The following ETFB variants were observed in gnomAD, a reference collection of about 807,000 sequenced individuals.
ETFB encodes electron transfer flavoprotein subunit beta.
Under a neutral mutation model 25.6 loss-of-function variants are expected in ETFB, and 20 were observed. The observed-to-expected ratio is 0.78, with a 90% CI of 0.55 to 1.14. The LOEUF is 1.14. Ranked by LOEUF, ETFB falls within the 50% of genes most tolerant of loss-of-function variation. The pLI, the probability that ETFB is intolerant of heterozygous loss-of-function variation, is 0.00. For missense variants in ETFB, 286 were observed against 342.6 expected (o/e 0.83, Z 1.30); for synonymous variants, 142 against 146.7 (o/e 0.97, Z 0.23).
At chr19:51,362,204 C>CATAT (rs60638050) in intron 1 of ETFB, among the ~76,000 whole-genome samples, 3 of 146,270 alleles carry the variant, frequency 2.1e-5, no homozygotes, top group Non-Finnish European at 4.5e-5. Flanking sequence ...CACACACACA[C>CATAT]GAATACACTC....
intron 1 of ETFB, among the ~76,000 whole-genome samples, chr19:51,358,087 A>G (rs1986127290): frequency 6.6e-6 from 1 of 152,228 alleles, no homozygotes; most frequent in Non-Finnish European, 1.5e-5. Flanking sequence ...CTCCAGGGAC[A>G]TCCACAGAAG....
chr19:51,349,153 G>GCTAA (rs1231102988), intron 4 of ETFB, among the ~76,000 whole-genome samples: 1 of 152,126 alleles, frequency 6.6e-6, no homozygotes, highest in Non-Finnish European at 1.5e-5. Flanking sequence ...CCCACTGTAG[G>GCTAA]CTAACGTTAA....
intron 5 of ETFB, 166 bp from the exon 6 acceptor site, chr19:51,345,547 G>T (rs144959174): frequency 2.8e-6 from 2 of 703,288 alleles, no homozygotes; most frequent in Admixed American, 2.1e-5. Context: ...CACACCTGGT[G>T]TGGACAACTC....
Position 51,360,202 on chromosome 19 carries a change from G to C in ETFB, c.58-5894C>G, listed in dbSNP as rs1179072333. Reference sequence around the variant, plus strand: ...GGATCACTTGTGGTCAGGAGTTCGAGACCAGCCTGGCCAACATGGTAAAAC... The same window carrying C: ...GGATCACTTGTGGTCAGGAGTTCGACACCAGCCTGGCCAACATGGTAAAAC... On this transcript the variant is annotated intron_variant, in intron 1 of 5. Transcript: ENST00000309244. Among the ~76,000 whole-genome samples the C allele has an allele frequency of 3.3e-5, 5 of 151,980 alleles. No homozygotes were observed. The East Asian group carries it at 7.7e-4, about 23-fold the overall frequency.
At chr19:51,361,222 C>A (rs1324770623) in intron 1 of ETFB, among the ~76,000 whole-genome samples, 3 of 152,182 alleles carry the variant, frequency 2.0e-5, no homozygotes, top group Non-Finnish European at 4.4e-5. Context: ...TGAGCCACCA[C>A]GCCCGGCCCA....
chr19:51,363,263 GC>G (rs1287319117), intron 1 of ETFB, among the ~76,000 whole-genome samples: 2 of 152,078 alleles, frequency 1.3e-5, no homozygotes, highest in African/African-American at 4.8e-5. Context: ...GGAGCTACCA[GC>G]CTGGGGATGA....
In ETFB at chr19:51,360,473, G is replaced by C. The variant is rs1405311107; in HGVS notation, c.57+5797C>G. ...TGACCCATGCAGACAACGAGTCAAG[G>C]GTTTTATATGCATTAACTCGTTTGA... On this transcript the variant is annotated intron_variant, in intron 1 of 5. Coordinates refer to ENST00000309244, the MANE Select transcript of ETFB (RefSeq NM_001985.3). 1.3e-4 allele frequency among the ~76,000 whole-genome samples: 20 copies of C among 152,128 alleles called. 1 individual carries two copies. Among genetic ancestry groups the C allele is most frequent in the Admixed American group, 1.3e-3 (20 of 15,268 alleles).
chr19:51,351,423 A>C (rs1435505315), intron 3 of ETFB, among the ~76,000 whole-genome samples: 1 of 152,242 alleles, frequency 6.6e-6, no homozygotes, highest in Non-Finnish European at 1.5e-5. Context: ...TTTCTGGCTT[A>C]AGCCAGTTTG....
At chr19:51,346,779 C>T in intron 5 of ETFB, 121 bp downstream of exon 5, 1 of 984,904 alleles carries the variant, frequency 1.0e-6, no homozygotes, top group Non-Finnish European at 1.5e-6. Flanking sequence ...CAGGTGACGG[C>T]TTCCTGTGCA....
At chr19:51,347,189 C>T in intron 4 of ETFB, 131 bp from the exon 5 acceptor site, 2 of 933,638 alleles carry the variant, frequency 2.1e-6, no homozygotes, top group African/African-American at 1.6e-5. Context: ...TGCAGGGTCC[C>T]ATGAGGTTTA....
At chr19:51,353,335 G>C (rs1383720113) in intron 2 of ETFB, 45 bp from the exon 3 acceptor site, 1 of 1,609,750 alleles carries the variant, frequency 6.2e-7, no homozygotes, top group Non-Finnish European at 8.5e-7. Flanking sequence ...TCCTCAGGGG[G>C]ACCTAGGAGT....
At chr19:51,356,116 ATTTT>A (rs66679413) in intron 1 of ETFB, 23 of 148,466 alleles carry the variant, frequency 1.5e-4, no homozygotes, top group African/African-American at 5.7e-4. Context: ...TAAATAAATA[ATTTT>A]TTAAAAAAAA....
chr19:51,350,254 A>G (rs1985898973), intron 4 of ETFB, 75 bp downstream of exon 4: 1 of 1,529,528 alleles, frequency 6.5e-7, no homozygotes, highest in African/African-American at 1.4e-5. Flanking sequence ...AGCAAATGCA[A>G]AGGCCTTGAG....
rs1450691951 is a variant in ETFB at position 51,350,324 on chromosome 19, C to A, written c.438+5G>T. 4 of 1,610,050 alleles carry A rather than the reference C, an allele frequency of 2.5e-6. No homozygotes were observed. The highest frequency in any genetic ancestry group is 1.7e-5 in the Admixed American group (1 of 59,514). On this transcript the variant is annotated splice_donor_5th_base_variant and intron_variant, in intron 4 of 5. Coordinates refer to ENST00000309244, the MANE Select transcript of ETFB (RefSeq NM_001985.3). Reference sequence around the variant, plus strand: ...CTCAGCAGGTGCTCCCCACTCCAGTCTCACCTGTGGCCAGTCAAGAAATCC... The same window carrying A: ...CTCAGCAGGTGCTCCCCACTCCAGTATCACCTGTGGCCAGTCAAGAAATCC...
intron 1 of ETFB, 81 bp downstream of exon 1, chr19:51,366,189 A>G: frequency 1.3e-5 from 18 of 1,377,012 alleles, no homozygotes; most frequent in Non-Finnish European, 1.9e-5. Flanking sequence ...TTACGAGAAG[A>G]CCCCCACCCA....
intron 1 of ETFB, 96 bp downstream of exon 1, chr19:51,366,174 G>T: frequency 8.1e-7 from 1 of 1,231,342 alleles, no homozygotes; most frequent in Non-Finnish European, 1.2e-6. Context: ...GGCAGAGGTC[G>T]GGGGTTACGA....
intron 1 of ETFB, among the ~76,000 whole-genome samples, chr19:51,357,794 C>G (rs1172223814): frequency 6.6e-6 from 1 of 152,004 alleles, no homozygotes; most frequent in African/African-American, 2.4e-5. Flanking sequence ...CCTGGCCCAA[C>G]CTGAGTTTTT....
Position 51,358,832 on chromosome 19 carries a change from A to C in ETFB, c.58-4524T>G, listed in dbSNP as rs1284033987. 1.0e-4 allele frequency among the ~76,000 whole-genome samples: 7 copies of C among 67,026 alleles called. No homozygotes were observed. The East Asian group carries it at 2.0e-3, about 19-fold the overall frequency. 44.0% of individuals were successfully genotyped at this position (67,026 alleles called of 152,430 possible). A position where few individuals can be genotyped will look rare whatever the true frequency, so the allele number is the denominator to read the frequency against. On this transcript the variant is annotated intron_variant, in intron 1 of 5. Coordinates refer to ENST00000309244, the MANE Select transcript of ETFB (RefSeq NM_001985.3). ...TCAAAACAAACAAACAAACAACAACAAAAAAAAAAAAAAAAAAACAGCCAG... is the reference window on the plus strand; with the variant it reads ...TCAAAACAAACAAACAAACAACAACCAAAAAAAAAAAAAAAAAACAGCCAG...
chr19:51,351,926 A>C (rs1985941567), intron 3 of ETFB, among the ~76,000 whole-genome samples: 1 of 151,630 alleles, frequency 6.6e-6, no homozygotes, highest in Admixed American at 6.6e-5. Context: ...TCTCAGCCTC[A>C]TCCCTAATTC....
Sources: gnomAD v4.1 joint callset for allele counts (sites outside exome capture counted in the v4.1 genomes callset) on GRCh38, gnomAD v4.1.1 for gene constraint, MANE v1.5 for transcripts, NCBI Gene and HGNC (gene_info 2026-07-23, HGNC 2026-07-21) for gene names.